The following ITSN1 variants were observed in gnomAD, a reference collection of about 807,000 sequenced individuals.
ITSN1 encodes the protein intersectin-1.
In ITSN1, 58 loss-of-function variants were observed where a neutral mutation model predicts 239.8. The observed-to-expected ratio is 0.24, with a 90% CI of 0.20 to 0.30. The LOEUF (loss-of-function observed/expected upper bound fraction) is 0.30. Ranked by LOEUF, ITSN1 falls within the 10% of genes least tolerant of loss-of-function variation. ITSN1 has a pLI of 1.00. For synonymous variants in ITSN1, 780 were observed against 770.8 expected (o/e 1.01, Z -0.20); for missense variants, 1,558 against 2,103.3 (o/e 0.74, Z 5.07).
At chr21:33,789,876 G>C (rs540762362) in intron 16 of ITSN1, among the ~76,000 whole-genome samples, 2 of 152,150 alleles carry the variant, frequency 1.3e-5, no homozygotes, top group Non-Finnish European at 2.9e-5. Flanking sequence ...CAAACAGATT[G>C]CTTTTGAAAT....
intron 26 of ITSN1, among the ~76,000 whole-genome samples, chr21:33,828,522 A>C (rs534814107): frequency 2.8e-4 from 43 of 152,358 alleles, no homozygotes; most frequent in African/African-American, 1.0e-3. Flanking sequence ...CTTAAGGGCC[A>C]GAGTCTTACT....
intron 1 of ITSN1, among the ~76,000 whole-genome samples, chr21:33,644,786 C>G (rs746752279): frequency 2.0e-5 from 3 of 151,816 alleles, no homozygotes; most frequent in African/African-American, 7.3e-5. Context: ...TATCAAGCCT[C>G]CTGTAAGAGA....
chr21:33,663,833 T>TCAGGTGATCCGCCCAC (rs1471037227), intron 1 of ITSN1, among the ~76,000 whole-genome samples: 1 of 152,178 alleles, frequency 6.6e-6, no homozygotes, highest in African/African-American at 2.4e-5. Flanking sequence ...ACTCCTGACG[T>TCAGGTGATCCGCCCAC]CAGGTGATCC....
At chr21:33,681,965 G>A (rs2090988133) in intron 1 of ITSN1, among the ~76,000 whole-genome samples, 1 of 151,166 alleles carries the variant, frequency 6.6e-6, no homozygotes, top group Admixed American at 6.6e-5. Flanking sequence ...ACCGCGCCTG[G>A]CCTTGGAACC....
In ITSN1 at chr21:33,841,691, A is replaced by G. The variant is rs2834276; in HGVS notation, c.3661+5059A>G. 8.6e-3 allele frequency among the ~76,000 whole-genome samples: 1,310 copies of G among 152,350 alleles called. 52 individuals are homozygous for G. Among genetic ancestry groups the G allele is most frequent in the Admixed American group, 0.068 (1,040 of 15,302 alleles). Reference sequence around the variant, plus strand: ...ACCCCACCCAGGTAACAGTTGGGCAACGGGCACAGCAAATCGCAGTCCTGC... The same window carrying G: ...ACCCCACCCAGGTAACAGTTGGGCAGCGGGCACAGCAAATCGCAGTCCTGC... On this transcript the variant is annotated intron_variant, in intron 29 of 39. Transcript: ENST00000381318.
chr21:33,795,482 C>T (rs1023433233), intron 17 of ITSN1, among the ~76,000 whole-genome samples: 1 of 152,128 alleles, frequency 6.6e-6, no homozygotes, highest in African/African-American at 2.4e-5. Flanking sequence ...GAAACGGATA[C>T]TTGAGGCAAG....
Position 33,890,254 on chromosome 21 carries a change from A to T in ITSN1, c.*1954A>T, listed in dbSNP as rs1018330717. 1 of 152,216 alleles carries T rather than the reference A, an allele frequency of 6.6e-6. No individual in the cohort carries two copies. The highest frequency in any genetic ancestry group is 1.5e-5 in the Non-Finnish European group (1 of 68,042). The allele number at this position is 152,216 out of a possible 1,614,324, so 9.4% of individuals were successfully genotyped here. A position where few individuals can be genotyped will look rare whatever the true frequency, so the allele number is the denominator to read the frequency against. ...AAAGATATGCTACCATGGTAGAAAGAAAAGTATTCAATGTGTAAATGGGGT... is the reference window on the plus strand; with the variant it reads ...AAAGATATGCTACCATGGTAGAAAGTAAAGTATTCAATGTGTAAATGGGGT... On this transcript the variant is annotated 3_prime_UTR_variant, in exon 40 of 40. Transcript: ENST00000381318.
chr21:33,668,343 C>T (rs2090053170), intron 1 of ITSN1, among the ~76,000 whole-genome samples: 1 of 152,138 alleles, frequency 6.6e-6, no homozygotes, highest in Non-Finnish European at 1.5e-5. Flanking sequence ...GTGGTGTGGG[C>T]CCCCCCAAGG....
rs571472432 is a variant in ITSN1, at chr21:33,773,003, T to C, written c.1305+680T>C. 1.3e-4 allele frequency among the ~76,000 whole-genome samples: 20 copies of C among 149,526 alleles called. No homozygotes were observed. In the South Asian group the frequency reaches 1.5e-3, roughly 11 times the overall value. ...AATTACATTGTTCTGCAATCTTCTT[T>C]TTTTTTTTTTTTTTTGTTTGAGACA... On this transcript the variant is annotated intron_variant, in intron 12 of 39. Coordinates refer to ENST00000381318, the MANE Select transcript of ITSN1 (RefSeq NM_003024.3).
intron 1 of ITSN1, among the ~76,000 whole-genome samples, chr21:33,711,780 G>A (rs1205992079): frequency 6.6e-6 from 1 of 151,530 alleles, no homozygotes; most frequent in African/African-American, 2.4e-5. Flanking sequence ...ATAGAATGTA[G>A]AAGGCTTGCA....
intron 8 of ITSN1, among the ~76,000 whole-genome samples, chr21:33,757,863 A>T (rs1456956633): frequency 2.0e-5 from 3 of 151,832 alleles, no homozygotes; most frequent in African/African-American, 7.3e-5. Context: ...TGTTTTCAGG[A>T]GCTAAAAAGC....
At chr21:33,868,843 C>T (rs993806201) in intron 33 of ITSN1, among the ~76,000 whole-genome samples, 7 of 152,164 alleles carry the variant, frequency 4.6e-5, no homozygotes, top group African/African-American at 1.7e-4. Flanking sequence ...CGAGAGCGAG[C>T]GAGGGCTGTG....
chr21:33,646,382 TATC>T (rs747860593), intron 1 of ITSN1, among the ~76,000 whole-genome samples: 35 of 152,366 alleles, frequency 2.3e-4, no homozygotes, highest in Non-Finnish European at 3.7e-4. Flanking sequence ...TATATCAAAA[TATC>T]ATTTTATAAA....
Position 33,681,314 on chromosome 21 carries a change from A to C in ITSN1, c.-32-37483A>C, listed in dbSNP as rs114934040. 4.6e-5 allele frequency among the ~76,000 whole-genome samples: 7 copies of C among 152,366 alleles called. No individual in the cohort carries two copies. The South Asian group carries it at 1.2e-3, about 27-fold the overall frequency. On this transcript the variant is annotated intron_variant, in intron 1 of 39. Coordinates refer to ENST00000381318, the MANE Select transcript of ITSN1 (RefSeq NM_003024.3). ...CCTGTAGCCTATGGTATCAAGCTTC[A>C]TGAGAACGAGAATTAACTAGTTACA...
At chr21:33,811,392 A>G (rs2072907506) in intron 21 of ITSN1, among the ~76,000 whole-genome samples, 170 bp downstream of exon 21, 1 of 152,190 alleles carries the variant, frequency 6.6e-6, no homozygotes, top group South Asian at 2.1e-4. Flanking sequence ...CAGTCCCTGA[A>G]CTGGATTTAA....
chr21:33,790,800 C>T (rs1035356604), intron 16 of ITSN1, among the ~76,000 whole-genome samples: 2 of 152,076 alleles, frequency 1.3e-5, no homozygotes, highest in Non-Finnish European at 2.9e-5. Context: ...AGCCATTTCC[C>T]CCAATAATTT....
intron 26 of ITSN1, among the ~76,000 whole-genome samples, chr21:33,828,097 T>G (rs140198101): frequency 4.2e-4 from 64 of 152,364 alleles, no homozygotes; most frequent in Middle Eastern, 6.8e-3. Context: ...TCCAGATATT[T>G]CATAGATGAA....
At chr21:33,856,993 A>ATCTCCT in intron 30 of ITSN1, 136 bp downstream of exon 30, 1 of 795,880 alleles carries the variant, frequency 1.3e-6, no homozygotes, top group Non-Finnish European at 2.0e-6. Flanking sequence ...CTGGATGGCA[A>ATCTCCT]ATGCTATAGG....
chr21:33,713,389 G>A (rs566067250), intron 1 of ITSN1, among the ~76,000 whole-genome samples: 5 of 151,812 alleles, frequency 3.3e-5, no homozygotes, highest in Admixed American at 6.6e-5. Context: ...ACAGGCGCCC[G>A]CCACCACGCC....
Sources: gnomAD v4.1 joint callset for allele counts (sites outside exome capture counted in the v4.1 genomes callset) on GRCh38, gnomAD v4.1.1 for gene constraint, MANE v1.5 for transcripts, NCBI Gene and HGNC (gene_info 2026-07-23, HGNC 2026-07-21) for gene names.